Variants in ZBTB20 observed in about 807,000 individuals in gnomAD.
ZBTB20 encodes zinc finger and BTB domain containing 20, also known as zinc finger and BTB domain-containing protein 20.
A neutral mutation model predicts 56.9 loss-of-function variants in ZBTB20; 9 were observed. That is an observed-to-expected ratio of 0.16 (90% CI 0.10 to 0.28). ZBTB20 has a LOEUF of 0.28. Among genes scored for constraint, ZBTB20 ranks in the 10% least tolerant of loss-of-function variants. The probability of loss-of-function intolerance (pLI) is 1.00; values close to 1 mark genes in which losing one functional copy is unlikely to be tolerated. For missense variants in ZBTB20, 655 were observed against 1,003.0 expected, an observed-to-expected ratio of 0.65 and a Z score of 4.69; for synonymous variants, 417 against 420.7, an observed-to-expected ratio of 0.99 and a Z score of 0.11.
chr3:114,622,904 T>G (rs2058416772), intron 6 of ZBTB20, among the ~76,000 whole-genome samples: 1 of 152,226 alleles, frequency 6.6e-6, no homozygotes, highest in African/African-American at 2.4e-5. Flanking sequence ...CCCCTTAGGC[T>G]GGGTTGTGAT....
chr3:114,545,456 T>A (rs1290607140), intron 6 of ZBTB20, among the ~76,000 whole-genome samples: 2 of 152,196 alleles, frequency 1.3e-5, no homozygotes, highest in Non-Finnish European at 2.9e-5. Context: ...ACCAGAGACA[T>A]CAGTGTTTAC....
chr3:114,387,683 G>A (rs994618259), intron 8 of ZBTB20: 1 of 152,186 alleles, frequency 6.6e-6, no homozygotes, highest in Admixed American at 6.5e-5. Context: ...TAGTTACTCT[G>A]TGATGAAGAA....
At chr3:114,680,520 G>A (rs2061907236) in intron 6 of ZBTB20, among the ~76,000 whole-genome samples, 1 of 152,166 alleles carries the variant, frequency 6.6e-6, no homozygotes, top group Admixed American at 6.5e-5. Context: ...ACTTGGCCAA[G>A]TAATGATGTC....
intron 10 of ZBTB20, among the ~76,000 whole-genome samples, chr3:114,356,699 G>A (rs1486153282): frequency 1.3e-5 from 2 of 152,110 alleles, no homozygotes; most frequent in Non-Finnish European, 2.9e-5. Flanking sequence ...GAGAAAGGGG[G>A]GATGTATTTT....
At position 114,774,000 on chromosome 3, in the gene ZBTB20, A is replaced by AAAG. The variant is rs1296306387; in HGVS notation, c.-343+27098_-343+27100dup. On this transcript the variant is annotated intron_variant, in intron 5 of 11. Transcript: ENST00000675478. ...TAACTGAACAAAGGAATATTGGAAG[A>AAAG]AAGGCAGTTATTTCCAATGATTTTC... Among the ~76,000 whole-genome samples the AAAG allele has an allele frequency of 4.6e-5, 7 of 152,330 alleles. No individual in the cohort carries two copies. In the East Asian group the frequency reaches 1.3e-3, roughly 29 times the overall value.
At chr3:114,576,433 C>A (rs554772564) in intron 6 of ZBTB20, among the ~76,000 whole-genome samples, 1 of 131,768 alleles carries the variant, frequency 7.6e-6, no homozygotes, top group Non-Finnish European at 1.6e-5. Context: ...ACCCGGGAGG[C>A]GGAGCTTGCA....
At chr3:114,847,714 T>G (rs900352815) in intron 4 of ZBTB20, among the ~76,000 whole-genome samples, 3 of 152,090 alleles carry the variant, frequency 2.0e-5, no homozygotes, top group Admixed American at 6.6e-5. Context: ...CTGTAGTCAT[T>G]GGGTACCTGG....
At chr3:114,479,010 T>G (rs1429770475) in intron 7 of ZBTB20, among the ~76,000 whole-genome samples, 1 of 150,896 alleles carries the variant, frequency 6.6e-6, no homozygotes, top group Non-Finnish European at 1.5e-5. Flanking sequence ...CTGAGCAAAG[T>G]GCTATAGTTA....
chr3:114,623,824 C>G (rs1340688098), intron 6 of ZBTB20, among the ~76,000 whole-genome samples: 1 of 151,768 alleles, frequency 6.6e-6, no homozygotes, highest in Non-Finnish European at 1.5e-5. Context: ...TCTTCCTCCC[C>G]CCAACAAGCA....
At chr3:115,087,044 T>C (rs904406272) in intron 1 of ZBTB20, among the ~76,000 whole-genome samples, 4 of 151,816 alleles carry the variant, frequency 2.6e-5, no homozygotes, top group African/African-American at 9.7e-5. Flanking sequence ...AACTTTCCCC[T>C]GGGGTTCAAG....
At chr3:114,542,688 A>G (rs2049261435) in intron 6 of ZBTB20, among the ~76,000 whole-genome samples, 1 of 152,222 alleles carries the variant, frequency 6.6e-6, no homozygotes, top group Non-Finnish European at 1.5e-5. Flanking sequence ...AGACTGCTAC[A>G]CAAAAGATAC....
intron 5 of ZBTB20, among the ~76,000 whole-genome samples, chr3:114,790,115 C>A (rs2070833809): frequency 6.6e-6 from 1 of 152,088 alleles, no homozygotes; most frequent in African/African-American, 2.4e-5. Flanking sequence ...TATGCATTTT[C>A]TTTTGTGCTG....
intron 6 of ZBTB20, among the ~76,000 whole-genome samples, chr3:114,638,654 C>A (rs1033838926): frequency 6.6e-6 from 1 of 151,742 alleles, no homozygotes; most frequent in Non-Finnish European, 1.5e-5. Context: ...AATTCTCACA[C>A]AGAAAGGAAG....
chr3:114,981,178 T>C (rs2078311819), intron 2 of ZBTB20, among the ~76,000 whole-genome samples: 1 of 152,002 alleles, frequency 6.6e-6, no homozygotes. Context: ...AAAAACCCCT[T>C]GCTTTCTAAT....
intron 7 of ZBTB20, among the ~76,000 whole-genome samples, chr3:114,400,234 T>C (rs2108691682): frequency 6.6e-6 from 1 of 152,258 alleles, no homozygotes; most frequent in East Asian, 1.9e-4. Flanking sequence ...TGTTCTCACT[T>C]ATAAAGTCAT....
At chr3:114,885,102 G>C (rs1193982882) in intron 4 of ZBTB20, among the ~76,000 whole-genome samples, 1 of 152,138 alleles carries the variant, frequency 6.6e-6, no homozygotes, top group Non-Finnish European at 1.5e-5. Flanking sequence ...GCTTACTATG[G>C]CTATATTTAG....
intron 1 of ZBTB20, among the ~76,000 whole-genome samples, chr3:115,079,080 CAT>C (rs1237948814): frequency 6.6e-6 from 1 of 152,104 alleles, no homozygotes; most frequent in African/African-American, 2.4e-5. Context: ...CATGAGTTCA[CAT>C]ATGTTTAATA....
At chr3:114,571,036 T>A (rs1404426746) in intron 6 of ZBTB20, among the ~76,000 whole-genome samples, 2 of 151,816 alleles carry the variant, frequency 1.3e-5, no homozygotes, top group Non-Finnish European at 2.9e-5. Context: ...TTAGTCACAG[T>A]TGGTTGTGTG....
chr3:114,960,967 T>TC (rs1414570162), intron 3 of ZBTB20, among the ~76,000 whole-genome samples: 1 of 152,072 alleles, frequency 6.6e-6, no homozygotes, highest in African/African-American at 2.4e-5. Context: ...GATCAAATGC[T>TC]CAGTGAGGTC....
Sources: gnomAD v4.1 joint callset for allele counts (sites outside exome capture counted in the v4.1 genomes callset) on GRCh38, gnomAD v4.1.1 for gene constraint, MANE v1.5 for transcripts, NCBI Gene and HGNC (gene_info 2026-07-23, HGNC 2026-07-21) for gene names.